The following MMD2 variants were observed in gnomAD, a reference collection of about 807,000 sequenced individuals.
MMD2 encodes the protein monocyte to macrophage differentiation factor 2.
MMD2 carries 30 observed loss-of-function variants against 33.5 expected under a neutral mutation model. That is an observed-to-expected ratio of 0.90 (90% CI 0.67 to 1.22). The LOEUF is 1.22. MMD2 is among the 50% of genes most tolerant of loss of function. The pLI is 0.00. For synonymous variants in MMD2, 129 were observed against 123.0 expected (o/e 1.05, Z -0.32); for missense variants, 364 against 325.4 (o/e 1.12, Z -0.91).
At chr7:4,926,668 T>C (rs1785436051) in intron 1 of MMD2, among the ~76,000 whole-genome samples, 1 of 152,202 alleles carries the variant, frequency 6.6e-6, no homozygotes, top group Admixed American at 6.6e-5. Context: ...GTTTTCTGTC[T>C]GGCTTCTTTT....
the MMD2 span, among the ~76,000 whole-genome samples, chr7:4,900,248 C>T: frequency 7.8e-3 from 1,188 of 151,810 alleles, 10 homozygotes; most frequent in African/African-American, 0.027. Context: ...GGAGACAGAG[C>T]GAGACTGTGT....
chr7:4,917,183 G>C (rs991354228), intron 3 of MMD2, among the ~76,000 whole-genome samples: 1 of 150,190 alleles, frequency 6.7e-6, no homozygotes, highest in Non-Finnish European at 1.5e-5. Context: ...GGAGCCAAAA[G>C]GCCTGGGTTC....
At chr7:4,896,433 T>C in the MMD2 span, among the ~76,000 whole-genome samples, 2 of 152,152 alleles carry the variant, frequency 1.3e-5, no homozygotes, top group African/African-American at 2.4e-5. Flanking sequence ...TGAGCACAGA[T>C]TGTGCCACTG....
chr7:4,893,405 T>C, the MMD2 span, among the ~76,000 whole-genome samples: 1 of 150,420 alleles, frequency 6.6e-6, no homozygotes, highest in African/African-American at 2.4e-5. Flanking sequence ...TATTTATTTA[T>C]TTTTGAGACA....
the MMD2 span, among the ~76,000 whole-genome samples, chr7:4,900,238 G>A: frequency 6.6e-6 from 1 of 152,012 alleles, no homozygotes; most frequent in South Asian, 2.1e-4. Flanking sequence ...CTCCAGCCTG[G>A]GAGACAGAGC....
rs116793117 is a variant in MMD2, at chr7:4,907,350, G to A, written c.*46C>T. 1.2e-3 allele frequency: 1,833 copies of A among 1,586,424 alleles called. 30 individuals are homozygous for A. In the African/African-American group the frequency reaches 0.022, roughly 19 times the overall value. ...GCTCTGGGTTAACGTTCACAGAAAC[G>A]TGCTCCACTCCTAAAGCCCAAACGA... On this transcript the variant is annotated 3_prime_UTR_variant, in exon 7 of 7. Coordinates refer to ENST00000401401, the MANE Select transcript of MMD2 (RefSeq NM_198403.4).
chr7:4,938,114 G>C lies in MMD2; in HGVS notation c.48-12582C>G, dbSNP rs370847180. 1.1e-3 allele frequency among the ~76,000 whole-genome samples: 154 copies of C among 137,470 alleles called. 1 individual carries two copies. The highest frequency in any genetic ancestry group is 4.0e-3 in the African/African-American group (149 of 36,956). The allele number at this position is 137,470 out of a possible 152,430, so 90.2% of individuals were successfully genotyped here. A position where few individuals can be genotyped will look rare whatever the true frequency, so the allele number is the denominator to read the frequency against. ...GCAACCTCCACCTCCCGGTTCAAGAGATTCTCCTGCCTCAGCCTCCCCCAT... is the reference window on the plus strand; with the variant it reads ...GCAACCTCCACCTCCCGGTTCAAGACATTCTCCTGCCTCAGCCTCCCCCAT... On this transcript the variant is annotated intron_variant, in intron 1 of 6. Transcript: ENST00000401401.
chr7:4,895,670 G>A, the MMD2 span, among the ~76,000 whole-genome samples: 3 of 152,104 alleles, frequency 2.0e-5, no homozygotes, highest in Non-Finnish European at 4.4e-5. Context: ...CGGAGTAGCT[G>A]GGATAATAGG....
In MMD2 at chr7:4,925,401, C is replaced by T. The variant is rs772191643; in HGVS notation, c.129+50G>A. The T allele has an allele frequency of 5.9e-6, 8 of 1,355,942 alleles. 1 individual carries two copies. In the South Asian group the frequency reaches 1.1e-4, roughly 19 times the overall value. 84.0% of individuals were successfully genotyped at this position (1,355,942 alleles called of 1,614,324 possible). A position where few individuals can be genotyped will look rare whatever the true frequency, so the allele number is the denominator to read the frequency against. On this transcript the variant is annotated intron_variant, in intron 2 of 6. Transcript: ENST00000401401. ...GGAGGTGACTTCCCCCACCCCCCTTCCCCGGAAGTGTCCCCATCTCAGCCC... is the reference window on the plus strand; with the variant it reads ...GGAGGTGACTTCCCCCACCCCCCTTTCCCGGAAGTGTCCCCATCTCAGCCC...
chr7:4,934,264 A>G (rs771044461), intron 1 of MMD2, among the ~76,000 whole-genome samples: 1 of 149,984 alleles, frequency 6.7e-6, no homozygotes, highest in Non-Finnish European at 1.5e-5. Flanking sequence ...ACCACACCCA[A>G]CTAATTTTTT....
At chr7:4,954,618 C>A (rs1288423786) in intron 1 of MMD2, among the ~76,000 whole-genome samples, 2 of 152,024 alleles carry the variant, frequency 1.3e-5, no homozygotes, top group African/African-American at 4.8e-5. Context: ...GGGGTTTCAC[C>A]ATGTTGCCCA....
Position 4,940,109 on chromosome 7 carries a change from A to T in MMD2, c.48-14577T>A, listed in dbSNP as rs1184463101. Among the ~76,000 whole-genome samples, 4 of 152,140 alleles carry T rather than the reference A, an allele frequency of 2.6e-5. No individual in the cohort carries two copies. Among genetic ancestry groups the T allele is most frequent in the Non-Finnish European group, 5.9e-5 (4 of 68,022 alleles). On this transcript the variant is annotated intron_variant, in intron 1 of 6. Coordinates refer to ENST00000401401, the MANE Select transcript of MMD2 (RefSeq NM_198403.4). The surrounding 1 kb of genome is among the most constrained non-coding windows in gnomAD (Gnocchi z 5.0). Reference sequence around the variant, plus strand: ...GTTGAAGGTCCGATGACGCCAGGAGAGTGGCTGCCCTTGACGGTAGTGAGG... The same window carrying T: ...GTTGAAGGTCCGATGACGCCAGGAGTGTGGCTGCCCTTGACGGTAGTGAGG...
At chr7:4,927,766 T>C (rs1276329533) in intron 1 of MMD2, among the ~76,000 whole-genome samples, 1 of 152,076 alleles carries the variant, frequency 6.6e-6, no homozygotes, top group Non-Finnish European at 1.5e-5. Flanking sequence ...TTGGTGTCTT[T>C]TTAGAATCTT....
Position 4,906,489 on chromosome 7 carries a change from G to T in MMD2, c.*907C>A, listed in dbSNP as rs959692494. On this transcript the variant is annotated 3_prime_UTR_variant, in exon 7 of 7. Transcript: ENST00000401401. The stretch of plus-strand genomic sequence containing the variant: ...AGCAGGGAGCAAGTGCCTGGGGGCT[G>T]TTTGCCCCATCTTATGAATGAATAG... 1.0e-5 allele frequency: 4 copies of T among 398,662 alleles called. No homozygotes were observed. The highest frequency in any genetic ancestry group is 1.8e-5 in the Non-Finnish European group (4 of 226,088). The allele number at this position is 398,662 out of a possible 1,614,324, so 24.7% of individuals were successfully genotyped here.
At chr7:4,893,802 G>C in the MMD2 span, among the ~76,000 whole-genome samples, 2 of 152,122 alleles carry the variant, frequency 1.3e-5, no homozygotes, top group African/African-American at 4.8e-5. Flanking sequence ...GACTATATAG[G>C]GTAACGTCTT....
rs140237990 is a variant in MMD2 at position 4,919,050 on chromosome 7, G to C, written c.290+1121C>G. Among the ~76,000 whole-genome samples, 98 of 151,986 alleles carry C rather than the reference G, an allele frequency of 6.4e-4. 2 individuals are homozygous for C. The highest frequency in any genetic ancestry group is 2.2e-3 in the African/African-American group (93 of 41,482). The stretch of plus-strand genomic sequence containing the variant: ...GGAGGTGGAGGCTGCAGTGAACCGA[G>C]ATGATGTTATCACACTCCAGCCTGG... On this transcript the variant is annotated intron_variant, in intron 3 of 6. Transcript: ENST00000401401.
chr7:4,908,668 G>A (rs1784925576), intron 6 of MMD2, among the ~76,000 whole-genome samples: 1 of 151,844 alleles, frequency 6.6e-6, no homozygotes, highest in South Asian at 2.1e-4. Context: ...GGAGGCTAAG[G>A]AGGGCGGATC....
chr7:4,894,375 T>A, the MMD2 span, among the ~76,000 whole-genome samples: 1 of 152,324 alleles, frequency 6.6e-6, no homozygotes, highest in African/African-American at 2.4e-5. The surrounding 1 kb of genome is among the most constrained non-coding windows in gnomAD (Gnocchi z 4.3). Context: ...TTTGGATACC[T>A]GGGGCCTTTC....
intron 3 of MMD2, among the ~76,000 whole-genome samples, chr7:4,917,285 G>A (rs1326225759): frequency 1.3e-5 from 2 of 152,108 alleles, no homozygotes; most frequent in African/African-American, 4.8e-5. Context: ...AAACACGGAG[G>A]ATGCCAGCAA....
Sources: allele counts gnomAD v4.1 joint callset (sites outside exome capture counted in the v4.1 genomes callset), GRCh38; gene constraint gnomAD v4.1.1; non-coding constraint Gnocchi (gnomAD v3.1); transcripts MANE v1.5; gene names NCBI Gene and HGNC (gene_info 2026-07-23, HGNC 2026-07-21).